Variants in PRKDC observed in about 807,000 individuals in gnomAD.
The protein encoded by PRKDC is DNA-dependent protein kinase catalytic subunit.
PRKDC carries 82 observed loss-of-function variants against 486.9 expected under a neutral mutation model. That is an observed-to-expected ratio of 0.17 (90% CI 0.14 to 0.20). PRKDC has a LOEUF of 0.20. Among genes scored for constraint, PRKDC ranks in the 10% least tolerant of loss-of-function variants. The pLI, the probability that PRKDC is intolerant of heterozygous loss-of-function variation, is 1.00. For missense variants in PRKDC, 4,504 were observed against 5,038.2 expected, an observed-to-expected ratio of 0.89 and a Z score of 3.21; for synonymous variants, 1,895 against 1,837.0, an observed-to-expected ratio of 1.03 and a Z score of -0.81.
intron 74 of PRKDC, among the ~76,000 whole-genome samples, chr8:47,793,836 T>A (rs2086928397): frequency 6.6e-6 from 1 of 152,016 alleles, no homozygotes; most frequent in African/African-American, 2.4e-5. Flanking sequence ...CACTACACAG[T>A]TTGTGTACAA....
chr8:47,821,605 TGATAAAATG>T lies in PRKDC; in HGVS notation c.9101_9109del (p.Pro3034_Tyr3036del), dbSNP rs1420951901. The T allele has an allele frequency of 2.5e-6, 4 of 1,589,790 alleles. No individual in the cohort carries two copies. Among genetic ancestry groups the T allele is most frequent in the Non-Finnish European group, 3.4e-6 (4 of 1,165,636 alleles). On this transcript the variant is annotated inframe_deletion and splice_region_variant, in exon 65 of 86. Coordinates refer to ENST00000314191, the MANE Select transcript of PRKDC (RefSeq NM_006904.7). ...ATCACTTAAAATAATTTTACCCACC[TGATAAAATG>T]GTTCACTCCAGATTTTATTTAGGTC...
At chr8:47,880,591 G>C (rs2089192812) in intron 38 of PRKDC, among the ~76,000 whole-genome samples, 1 of 152,126 alleles carries the variant, frequency 6.6e-6, no homozygotes, top group African/African-American at 2.4e-5. Context: ...CCCTTAAAAT[G>C]ACAGTATTTA....
At chr8:47,928,687 C>CAA (rs2090197481) in intron 19 of PRKDC, among the ~76,000 whole-genome samples, 1 of 151,608 alleles carries the variant, frequency 6.6e-6, no homozygotes, top group Non-Finnish European at 1.5e-5. Flanking sequence ...TAACCTGACA[C>CAA]AATTGTTTTT....
chr8:47,822,948 A>G (rs999991705), intron 64 of PRKDC, among the ~76,000 whole-genome samples: 2 of 152,200 alleles, frequency 1.3e-5, no homozygotes, highest in Admixed American at 1.3e-4. Flanking sequence ...TGTAATTTGA[A>G]TATGTGTCCC....
rs1318028717 is a variant in PRKDC, at chr8:47,783,632, T to G, written c.11175+110A>C. 5.8e-6 allele frequency: 6 copies of G among 1,027,072 alleles called. No homozygotes were observed. The African/African-American group carries it at 9.7e-5, about 17-fold the overall frequency. 63.6% of individuals were successfully genotyped at this position (1,027,072 alleles called of 1,614,324 possible). On this transcript the variant is annotated intron_variant, in intron 78 of 85. Transcript: ENST00000314191. ...TTCAGTAAATATGCTAAACTTGATA[T>G]ATCTGTGATCAACATGGGCCGTTGT...
intron 37 of PRKDC, among the ~76,000 whole-genome samples, 195 bp downstream of exon 37, chr8:47,881,717 T>C (rs1264848810): frequency 6.6e-6 from 1 of 152,252 alleles, no homozygotes; most frequent in Non-Finnish European, 1.5e-5. Context: ...TTTAAAAAGA[T>C]ATAGCATAAG....
intron 15 of PRKDC, among the ~76,000 whole-genome samples, chr8:47,933,629 C>T (rs1014814953): frequency 3.9e-5 from 6 of 152,170 alleles, no homozygotes; most frequent in African/African-American, 4.8e-5. Flanking sequence ...TACATACATA[C>T]GTACAAATAC....
At chr8:47,838,945 T>C (rs1473856299) in intron 56 of PRKDC, among the ~76,000 whole-genome samples, 1 of 152,268 alleles carries the variant, frequency 6.6e-6, no homozygotes, top group East Asian at 1.9e-4. Context: ...TCAAGAGTGT[T>C]ATTTTTAAGT....
At chr8:47,829,474 A>G (rs2087814401) in intron 61 of PRKDC, among the ~76,000 whole-genome samples, 1 of 152,216 alleles carries the variant, frequency 6.6e-6, no homozygotes, top group South Asian at 2.1e-4. Flanking sequence ...GATTATACTT[A>G]ATATTTAAAA....
intron 69 of PRKDC, among the ~76,000 whole-genome samples, chr8:47,806,698 A>C (rs1284652301): frequency 6.6e-6 from 1 of 152,234 alleles, no homozygotes; most frequent in Non-Finnish European, 1.5e-5. Context: ...AGTAAACCTA[A>C]AAATAATTTG....
chr8:47,838,398 G>A (rs1413451944), intron 56 of PRKDC, among the ~76,000 whole-genome samples: 1 of 152,154 alleles, frequency 6.6e-6, no homozygotes, highest in East Asian at 1.9e-4. Context: ...GGAGGATTGA[G>A]GCCAGGCATT....
At chr8:47,886,430 C>T (rs2089333696) in intron 35 of PRKDC, among the ~76,000 whole-genome samples, 1 of 151,966 alleles carries the variant, frequency 6.6e-6, no homozygotes, top group Admixed American at 6.6e-5. Context: ...CGCTCTGTTG[C>T]CCAGGCTGGA....
chr8:47,943,152 G>GA, intron 10 of PRKDC, 57 bp downstream of exon 10: 1 of 1,558,156 alleles, frequency 6.4e-7, no homozygotes, highest in Admixed American at 1.9e-5. Flanking sequence ...CATGCAAAGG[G>GA]AATTTAATTC....
Position 47,774,226 on chromosome 8 carries a change from T to C in PRKDC, c.12334A>G (p.Thr4112Ala), listed in dbSNP as rs1589685712. 3.1e-6 allele frequency: 5 copies of C among 1,599,784 alleles called. No homozygotes were observed. The highest frequency in any genetic ancestry group is 8.5e-7 in the Non-Finnish European group (1 of 1,173,138). The part of the protein sequence containing the change: ...TQVKCLMDQA[T>A]DPNILGRTWE... ...GTTCTGCCAAGGATGTTGGGGTCTG[T>C]TGCCTGGTCCATCAGGCACTTCACT... The change falls in exon 86 of 86, where the codon ACA (threonine) becomes GCA (alanine). Residue 4112 changes from threonine to alanine, a missense_variant. This residue lies in a region of PRKDC where 706 missense variants were observed against 945.0 expected (regional missense o/e 0.75). Transcript: ENST00000314191.
chr8:47,783,612 T>C (rs2086737176), intron 78 of PRKDC, 130 bp downstream of exon 78: 1 of 875,350 alleles, frequency 1.1e-6, no homozygotes, highest in Non-Finnish European at 1.7e-6. Context: ...AGGAATTCAG[T>C]AAATATGCTA....
chr8:47,837,386 A>G lies in PRKDC; in HGVS notation c.7587T>C (p.Thr2529=). 6.2e-7 allele frequency: 1 copy of G among 1,611,834 alleles called. No homozygotes were observed. Among genetic ancestry groups the G allele is most frequent in the Non-Finnish European group, 8.5e-7 (1 of 1,177,926 alleles). ...GGTCCAAGGTATTTGAAGGTAACCT[A>G]GTTTCATGGCTCCAGAAATTTCGAA... ...LIIRNFWSHE[T]RLPSNTLDRL... Residue 2529 remains threonine (T), a synonymous_variant, in exon 57 of 86, where the codon ACT becomes ACC. Transcript: ENST00000314191.
chr8:47,902,669 T>C lies in PRKDC; in HGVS notation c.3169A>G (p.Lys1057Glu). Residue 1057 changes from lysine to glutamate, a missense_variant, in exon 27 of 86, where the codon AAA becomes GAA. Transcript: ENST00000314191. ...QQQEKSPVNT[K>E]SLFKRLYSLA... The stretch of plus-strand genomic sequence containing the variant: ...CTATAAAGTCGCTTGAAAAGCGATT[T>C]GGTGTTTACTGGACTCTTCTCCTGC... 6.2e-7 allele frequency: 1 copy of C among 1,613,892 alleles called. No individual in the cohort carries two copies.
intron 14 of PRKDC, among the ~76,000 whole-genome samples, 196 bp from the exon 15 acceptor site, chr8:47,934,286 C>T (rs2090308809): frequency 6.6e-6 from 1 of 152,174 alleles, no homozygotes; most frequent in Non-Finnish European, 1.5e-5. Flanking sequence ...ACCTGTAATC[C>T]CAGCACTCTG....
intron 30 of PRKDC, among the ~76,000 whole-genome samples, chr8:47,894,902 C>A (rs1178848405): frequency 6.6e-6 from 1 of 152,158 alleles, no homozygotes; most frequent in African/African-American, 2.4e-5. Flanking sequence ...TACCAAGACC[C>A]TATCTCTACA....
Sources: allele counts gnomAD v4.1 joint callset (sites outside exome capture counted in the v4.1 genomes callset), GRCh38; gene constraint gnomAD v4.1.1; regional missense constraint gnomAD v4.1.1; transcripts MANE v1.5; gene names NCBI Gene and HGNC (gene_info 2026-07-23, HGNC 2026-07-21).